Variants in ZPLD1 observed in about 807,000 individuals in gnomAD.
ZPLD1 encodes zona pellucida-like domain-containing protein 1.
A neutral mutation model predicts 47.2 loss-of-function variants in ZPLD1; 34 were observed. The observed-to-expected ratio is 0.72, with a 90% CI of 0.55 to 0.96. ZPLD1 has a LOEUF of 0.96. Among genes scored for constraint, ZPLD1 ranks in the 40% least tolerant of loss-of-function variants. The pLI, the probability that ZPLD1 is intolerant of heterozygous loss-of-function variation, is 0.00. For synonymous variants in ZPLD1, 176 were observed against 186.2 expected (o/e 0.95, Z 0.45); for missense variants, 512 against 505.8 (o/e 1.01, Z -0.12).
chr3:102,471,376 T>G (rs909708731), intron 10 of ZPLD1, among the ~76,000 whole-genome samples: 2 of 152,200 alleles, frequency 1.3e-5, no homozygotes, highest in African/African-American at 2.4e-5. Context: ...TATTAAACAC[T>G]CCGTACATGG....
chr3:102,440,984 T>G (rs75771768), intron 3 of ZPLD1, among the ~76,000 whole-genome samples: 1,627 of 152,186 alleles, frequency 0.011, 17 homozygotes, highest in Non-Finnish European at 0.014. Context: ...GTTTGTTTGA[T>G]TTAAGTGAGA....
At chr3:102,398,570 T>C (rs997062332) in intron 7 of ZPLD1, among the ~76,000 whole-genome samples, 2 of 152,154 alleles carry the variant, frequency 1.3e-5, no homozygotes, top group African/African-American at 4.8e-5. Context: ...TGTTTTGCAC[T>C]GTAGCCCTCT....
chr3:102,457,886 T>C (rs1206939433), intron 6 of ZPLD1, 33 bp downstream of exon 6: 1 of 1,606,192 alleles, frequency 6.2e-7, no homozygotes, highest in South Asian at 1.1e-5. Flanking sequence ...TTATTTTCTC[T>C]TTCACTGTTG....
chr3:102,476,446 A>T (rs1174683906), intron 10 of ZPLD1, among the ~76,000 whole-genome samples: 1 of 152,178 alleles, frequency 6.6e-6, no homozygotes, highest in African/African-American at 2.4e-5. Context: ...AGATGCAAAT[A>T]AAACTACAAC....
At chr3:102,403,252 T>C (rs1354510132) in intron 7 of ZPLD1, among the ~76,000 whole-genome samples, 2 of 151,916 alleles carry the variant, frequency 1.3e-5, no homozygotes, top group Non-Finnish European at 2.9e-5. Context: ...GAAAAAAAAA[T>C]TCTCCATCCA....
intron 6 of ZPLD1, among the ~76,000 whole-genome samples, 179 bp downstream of exon 6, chr3:102,458,032 T>G (rs1314407182): frequency 4.6e-5 from 7 of 152,186 alleles, no homozygotes; most frequent in African/African-American, 1.4e-4. Flanking sequence ...TAATAATATC[T>G]CCATTAAATT....
chr3:102,458,996 A>G (rs1707463222), intron 6 of ZPLD1, among the ~76,000 whole-genome samples: 1 of 147,736 alleles, frequency 6.8e-6, no homozygotes, highest in African/African-American at 2.5e-5. Context: ...AGGCTGAGGC[A>G]GGAGAATGGC....
Position 102,477,724 on chromosome 3 carries a change from T to C in ZPLD1, c.*106T>C, listed in dbSNP as rs192853823. On this transcript the variant is annotated 3_prime_UTR_variant, in exon 12 of 12. Transcript: ENST00000466937. The stretch of plus-strand genomic sequence containing the variant: ...CATGTCAGTCCACATTCAATATTTG[T>C]AGGTTTGATAAATTTCACAGTATAG... 134 of 1,107,202 alleles carry C rather than the reference T, an allele frequency of 1.2e-4. No homozygotes were observed. The African/African-American group carries it at 1.6e-3, about 14-fold the overall frequency. 68.6% of individuals were successfully genotyped at this position (1,107,202 alleles called of 1,614,324 possible). A position where few individuals can be genotyped will look rare whatever the true frequency, so the allele number is the denominator to read the frequency against.
intron 1 of ZPLD1, 23 bp downstream of exon 1, chr3:102,435,177 T>C: frequency 6.2e-7 from 1 of 1,613,768 alleles, no homozygotes; most frequent in Non-Finnish European, 8.5e-7. Context: ...ATGGGAAATT[T>C]GCAAGATAAT....
chr3:102,445,801 C>A (rs1707247671), intron 3 of ZPLD1, among the ~76,000 whole-genome samples: 1 of 152,122 alleles, frequency 6.6e-6, no homozygotes, highest in Non-Finnish European at 1.5e-5. Flanking sequence ...TATCAACAAA[C>A]CTATCACTGT....
intron 6 of ZPLD1, among the ~76,000 whole-genome samples, chr3:102,390,771 C>T (rs1475529639): frequency 6.6e-6 from 1 of 152,142 alleles, no homozygotes; most frequent in East Asian, 1.9e-4. Flanking sequence ...CCACACGTTG[C>T]TTAACTGGCC....
chr3:102,463,346 T>C (rs1707539246), intron 7 of ZPLD1, among the ~76,000 whole-genome samples: 1 of 152,256 alleles, frequency 6.6e-6, no homozygotes, highest in Admixed American at 6.5e-5. Flanking sequence ...TTTGGTATTA[T>C]AACATTCTCT....
chr3:102,403,928 T>C (rs1323126910), intron 7 of ZPLD1, among the ~76,000 whole-genome samples: 1 of 152,002 alleles, frequency 6.6e-6, no homozygotes. Flanking sequence ...TTCACAGTAT[T>C]TCTTTCCTCT....
chr3:102,470,725 TAC>T (rs149917091), intron 10 of ZPLD1, among the ~76,000 whole-genome samples: 5,634 of 148,172 alleles, frequency 0.038, 119 homozygotes, highest in African/African-American at 0.054. Context: ...CACACACACA[TAC>T]ACACACACAC....
At chr3:102,386,928 C>G (rs1477238514) in intron 6 of ZPLD1, among the ~76,000 whole-genome samples, 1 of 152,140 alleles carries the variant, frequency 6.6e-6, no homozygotes, top group African/African-American at 2.4e-5. Flanking sequence ...GTTATCTTAG[C>G]ATTTTTAATA....
At chr3:102,403,465 A>G (rs1403364004) in intron 7 of ZPLD1, among the ~76,000 whole-genome samples, 1 of 152,020 alleles carries the variant, frequency 6.6e-6, no homozygotes, top group Non-Finnish European at 1.5e-5. Context: ...TCAGTGGAAG[A>G]ATCTTCAGTC....
At chr3:102,444,892 C>T (rs1219271310) in intron 3 of ZPLD1, among the ~76,000 whole-genome samples, 2 of 152,122 alleles carry the variant, frequency 1.3e-5, no homozygotes, top group East Asian at 1.9e-4. Flanking sequence ...GCATCTGAAC[C>T]GTACAGAGCC....
chr3:102,472,467 G>A (rs986654755), intron 10 of ZPLD1, among the ~76,000 whole-genome samples: 4 of 151,762 alleles, frequency 2.6e-5, no homozygotes, highest in Non-Finnish European at 5.9e-5. Flanking sequence ...GGGAGGCAGA[G>A]GTTGCAGTGA....
At chr3:102,387,424 C>A (rs1277976634) in intron 6 of ZPLD1, among the ~76,000 whole-genome samples, 1 of 152,154 alleles carries the variant, frequency 6.6e-6, no homozygotes, top group Non-Finnish European at 1.5e-5. Context: ...CATTTCTTCA[C>A]CTCTTTTGTA....
Sources: gnomAD v4.1 joint callset for allele counts (sites outside exome capture counted in the v4.1 genomes callset) on GRCh38, gnomAD v4.1.1 for gene constraint, MANE v1.5 for transcripts, NCBI Gene and HGNC (gene_info 2026-07-23, HGNC 2026-07-21) for gene names.